The following EPS15 variants were observed in gnomAD, a reference collection of about 807,000 sequenced individuals.
The protein encoded by EPS15 is epidermal growth factor receptor substrate 15.
Under a neutral mutation model 113.8 loss-of-function variants are expected in EPS15, and 72 were observed. That is an observed-to-expected ratio of 0.63 (90% CI 0.52 to 0.77). EPS15 has a LOEUF of 0.77. EPS15 is among the 30% of genes least tolerant of loss of function. The pLI, the probability that EPS15 is intolerant of heterozygous loss-of-function variation, is 0.00. For synonymous variants in EPS15, 344 were observed against 363.4 expected, an observed-to-expected ratio of 0.95 and a Z score of 0.61; for missense variants, 1,048 against 1,045.8, an observed-to-expected ratio of 1.00 and a Z score of -0.03.
At chr1:51,437,241 A>G (rs1056109605) in intron 12 of EPS15, among the ~76,000 whole-genome samples, 5 of 152,114 alleles carry the variant, frequency 3.3e-5, no homozygotes, top group Non-Finnish European at 7.4e-5. Context: ...TCACCCAACT[A>G]ACTCAAGTTT....
chr1:51,363,328 A>G (rs1646433146), intron 23 of EPS15, among the ~76,000 whole-genome samples: 1 of 151,624 alleles, frequency 6.6e-6, no homozygotes, highest in African/African-American at 2.4e-5. Context: ...GGAATATTTT[A>G]AGTTAGCTAA....
At chr1:51,506,645 G>C (rs1003689436) in intron 1 of EPS15, among the ~76,000 whole-genome samples, 4 of 151,970 alleles carry the variant, frequency 2.6e-5, no homozygotes, top group African/African-American at 9.7e-5. Flanking sequence ...AACGTGCCAA[G>C]CAGAGAGACA....
chr1:51,399,627 G>C (rs1447245067), intron 19 of EPS15, among the ~76,000 whole-genome samples: 1 of 151,874 alleles, frequency 6.6e-6, no homozygotes, highest in Non-Finnish European at 1.5e-5. Flanking sequence ...GGGAGGTTGA[G>C]GTAGACGGAT....
intron 12 of EPS15, among the ~76,000 whole-genome samples, chr1:51,437,831 G>A (rs1019652268): frequency 6.6e-6 from 1 of 152,102 alleles, no homozygotes; most frequent in African/African-American, 2.4e-5. Context: ...ATGAAGAACT[G>A]GCTAAGATTT....
chr1:51,356,792 CCT>C lies in EPS15; in HGVS notation c.2597_2598del (p.Glu866GlyfsTer26). ...TTTAGTCGGGCAAGCCTCTGCTCTT[CCT>C]CTCTCTCACTTTCCCTCTTGGCCCA... Reference protein sequence around the residue: ...IEWAKRESEREEEQRLARLNQ... With the variant: ...IEWAKRESERXEEQRLARLNQ... On this transcript the variant is annotated frameshift_variant, in exon 25 of 25. Coordinates refer to ENST00000371733, the MANE Select transcript of EPS15 (RefSeq NM_001981.3). LOFTEE classifies it high-confidence loss of function. 2 of 1,613,616 alleles carry C rather than the reference CCT, an allele frequency of 1.2e-6. No individual in the cohort carries two copies. Among genetic ancestry groups the C allele is most frequent in the Non-Finnish European group, 1.7e-6 (2 of 1,179,594 alleles).
At chr1:51,374,843 A>G (rs148356469) in intron 21 of EPS15, among the ~76,000 whole-genome samples, 3 of 151,964 alleles carry the variant, frequency 2.0e-5, no homozygotes, top group Non-Finnish European at 4.4e-5. Context: ...AGCTGGAATT[A>G]CAGGTGCATG....
chr1:51,444,406 C>G (rs1441972129), intron 11 of EPS15, among the ~76,000 whole-genome samples: 4 of 152,198 alleles, frequency 2.6e-5, no homozygotes, highest in African/African-American at 9.6e-5. Context: ...AGGTCACCTA[C>G]AGCAAAAACC....
At chr1:51,488,910 C>T (rs1239543694) in intron 1 of EPS15, among the ~76,000 whole-genome samples, 1 of 152,176 alleles carries the variant, frequency 6.6e-6, no homozygotes, top group African/African-American at 2.4e-5. Context: ...CTTCTGACTC[C>T]TAACCCTTCT....
chr1:51,482,523 G>A (rs566039715), intron 1 of EPS15, among the ~76,000 whole-genome samples: 14 of 152,228 alleles, frequency 9.2e-5, no homozygotes, highest in South Asian at 2.1e-4. Context: ...GTACAGTGGC[G>A]TGGCACGATC....
At chr1:51,391,484 A>G (rs1358393054) in intron 21 of EPS15, among the ~76,000 whole-genome samples, 3 of 151,940 alleles carry the variant, frequency 2.0e-5, no homozygotes, top group Non-Finnish European at 2.9e-5. Flanking sequence ...AAAATAAAAT[A>G]AAATAAAATA....
chr1:51,381,520 G>C (rs768839332), intron 21 of EPS15, among the ~76,000 whole-genome samples: 188 of 152,252 alleles, frequency 1.2e-3, no homozygotes, highest in Non-Finnish European at 1.4e-3. Context: ...TTGAACCCGG[G>C]AGGCAGAGGT....
At chr1:51,435,366 GTA>G (rs1652070332) in intron 12 of EPS15, among the ~76,000 whole-genome samples, 1 of 151,868 alleles carries the variant, frequency 6.6e-6, no homozygotes, top group Admixed American at 6.6e-5. Context: ...GCTAATTTTT[GTA>G]TTTTTAGTAC....
At position 51,476,089 on chromosome 1, in the gene EPS15, T is replaced by C. The variant is rs150673123; in HGVS notation, c.76-3141A>G. ...TGCTGTTTTGGTTACTGCAGCCTTG[T>C]AGCATAGTTTGAAGTCAGGTAGTGT... On this transcript the variant is annotated intron_variant, in intron 2 of 24. Transcript: ENST00000371733. Among the ~76,000 whole-genome samples the C allele has an allele frequency of 1.2e-4, 19 of 152,360 alleles. No homozygotes were observed. The South Asian group carries it at 1.7e-3, about 13-fold the overall frequency.
At chr1:51,478,830 T>C (rs572962165) in intron 2 of EPS15, among the ~76,000 whole-genome samples, 2 of 152,368 alleles carry the variant, frequency 1.3e-5, no homozygotes, top group East Asian at 3.9e-4. Flanking sequence ...GATCAGCTGT[T>C]AGTCTGATGG....
At position 51,391,338 on chromosome 1, in the gene EPS15, T is replaced by C. The variant is rs1004831587; in HGVS notation, c.2119+3043A>G. On this transcript the variant is annotated intron_variant, in intron 21 of 24. Transcript: ENST00000371733. The stretch of plus-strand genomic sequence containing the variant: ...GTGGGTTGGGGGGAAGGGGGAGGGA[T>C]AGCATTAGGAGATATACCTAATGCT... Among the ~76,000 whole-genome samples, 5 of 151,952 alleles carry C rather than the reference T, an allele frequency of 3.3e-5. 1 individual carries two copies. Among genetic ancestry groups the C allele is most frequent in the South Asian group, 2.1e-4 (1 of 4,810 alleles).
chr1:51,405,790 T>C (rs772307960), intron 16 of EPS15, 115 bp downstream of exon 16: 1 of 800,786 alleles, frequency 1.2e-6, no homozygotes, highest in Non-Finnish European at 2.1e-6. Context: ...AAAAAGGAAA[T>C]CTCAATTGTC....
chr1:51,390,326 A>G (rs1325548126), intron 21 of EPS15, among the ~76,000 whole-genome samples: 4 of 152,116 alleles, frequency 2.6e-5, no homozygotes, highest in Non-Finnish European at 5.9e-5. Flanking sequence ...AAGATGGATT[A>G]AAGACTTAAA....
intron 2 of EPS15, among the ~76,000 whole-genome samples, chr1:51,473,924 G>A (rs1427235894): frequency 1.3e-5 from 2 of 152,138 alleles, no homozygotes; most frequent in Non-Finnish European, 2.9e-5. Flanking sequence ...GGAATAAGAG[G>A]AAGTATAAGG....
Position 51,408,049 on chromosome 1 carries a change from T to C in EPS15, c.1473+86A>G, listed in dbSNP as rs371679935. The C allele has an allele frequency of 9.5e-6, 11 of 1,163,268 alleles. No homozygotes were observed. In the Admixed American group the frequency reaches 1.0e-4, roughly 11 times the overall value. The allele number at this position is 1,163,268 out of a possible 1,614,324, so 72.1% of individuals were successfully genotyped here. A position where few individuals can be genotyped will look rare whatever the true frequency, so the allele number is the denominator to read the frequency against. Reference sequence around the variant, plus strand: ...AATGAACAGTAAACTAGGCAAGAGGTTGAAGGAGCAGAAGTTGGAAAGTAT... The same window carrying C: ...AATGAACAGTAAACTAGGCAAGAGGCTGAAGGAGCAGAAGTTGGAAAGTAT... On this transcript the variant is annotated intron_variant, in intron 15 of 24. Coordinates refer to ENST00000371733, the MANE Select transcript of EPS15 (RefSeq NM_001981.3).
Sources: gnomAD v4.1 joint callset for allele counts (sites outside exome capture counted in the v4.1 genomes callset) on GRCh38, gnomAD v4.1.1 for gene constraint, MANE v1.5 for transcripts, NCBI Gene and HGNC (gene_info 2026-07-23, HGNC 2026-07-21) for gene names.